The following ALG12 variants were observed in gnomAD, a reference collection of about 807,000 sequenced individuals.
ALG12 encodes dol-P-Man:Man(7)GlcNAc(2)-PP-Dol alpha-1,6-mannosyltransferase.
Under a neutral mutation model 46.0 loss-of-function variants are expected in ALG12, and 36 were observed. The observed-to-expected ratio is 0.78, with a 90% CI of 0.60 to 1.03. ALG12 has a LOEUF of 1.03. ALG12 is among the 50% of genes least tolerant of loss of function. The pLI is 0.00. For missense variants in ALG12, 599 were observed against 633.5 expected (o/e 0.95, Z 0.58); for synonymous variants, 326 against 291.6 (o/e 1.12, Z -1.20).
At chr22:49,872,704 A>T in the ALG12 span, among the ~76,000 whole-genome samples, 117 of 144,264 alleles carry the variant, frequency 8.1e-4, no homozygotes, top group African/African-American at 2.8e-3. Flanking sequence ...TAATTTTTAA[A>T]TTTTTTTTTT....
the ALG12 span, among the ~76,000 whole-genome samples, chr22:49,882,822 C>G: frequency 6.6e-6 from 1 of 152,234 alleles, no homozygotes; most frequent in Non-Finnish European, 1.5e-5. Flanking sequence ...CCACAGGACG[C>G]CTTTCCCTTC....
the ALG12 span, chr22:49,886,734 G>A: frequency 3.7e-6 from 6 of 1,613,064 alleles, no homozygotes; most frequent in Non-Finnish European, 8.5e-7. This position sits in a 1 kb window ranked among gnomAD's most constrained non-coding sequence, Gnocchi z 7.7. Flanking sequence ...AGGCGGAGCA[G>A]TACAAACAGG....
At chr22:49,916,724 G>C (rs892951900) in intron 1 of ALG12, among the ~76,000 whole-genome samples, 3 of 152,200 alleles carry the variant, frequency 2.0e-5, no homozygotes, top group African/African-American at 4.8e-5. Flanking sequence ...GCTGACATGG[G>C]GGGTACTGCT....
chr22:49,906,714 C>T lies in ALG12; in HGVS notation c.992+1007G>A, dbSNP rs897956718. On this transcript the variant is annotated intron_variant, in intron 7 of 9. Coordinates refer to ENST00000330817, the MANE Select transcript of ALG12 (RefSeq NM_024105.4). The surrounding 1 kb of genome is among the most constrained non-coding windows in gnomAD (Gnocchi z 4.4). ...AGCCCTGCCGCCCCTCAATGCCCAGCGTGGCCTGAGTTGGCCTCCTGTTCC... is the reference window on the plus strand; with the variant it reads ...AGCCCTGCCGCCCCTCAATGCCCAGTGTGGCCTGAGTTGGCCTCCTGTTCC... Among the ~76,000 whole-genome samples the T allele has an allele frequency of 2.0e-5, 3 of 152,182 alleles. No individual in the cohort carries two copies. Among genetic ancestry groups the T allele is most frequent in the Admixed American group, 6.5e-5 (1 of 15,282 alleles).
chr22:49,898,715 G>A (rs2060493072), downstream of ALG12, among the ~76,000 whole-genome samples: 1 of 152,078 alleles, frequency 6.6e-6, no homozygotes, highest in South Asian at 2.1e-4. Flanking sequence ...TGAGAAAAGT[G>A]CACAGGCAAT....
downstream of ALG12, among the ~76,000 whole-genome samples, chr22:49,895,864 C>A (rs909606833): frequency 1.9e-4 from 29 of 151,806 alleles, no homozygotes; most frequent in African/African-American, 6.8e-4. Flanking sequence ...CTAAAGGAGT[C>A]TTAATATTTG....
Position 49,906,335 on chromosome 22 carries a change from C to T in ALG12, c.992+1386G>A, listed in dbSNP as rs2060541782. Among the ~76,000 whole-genome samples the T allele has an allele frequency of 6.6e-6, 1 of 152,210 alleles. No individual in the cohort carries two copies. The highest frequency in any genetic ancestry group is 2.1e-4 in the South Asian group (1 of 4,828). On this transcript the variant is annotated intron_variant, in intron 7 of 9. Coordinates refer to ENST00000330817, the MANE Select transcript of ALG12 (RefSeq NM_024105.4). This position sits in a 1 kb window ranked among gnomAD's most constrained non-coding sequence, Gnocchi z 4.4. Reference sequence around the variant, plus strand: ...GGCTGGGGTCTGCTCCTCCTCCAGCCCTGAGCCGACCCCTGAGACGAGAGG... The same window carrying T: ...GGCTGGGGTCTGCTCCTCCTCCAGCTCTGAGCCGACCCCTGAGACGAGAGG...
the ALG12 span, chr22:49,885,090 G>A: frequency 2.5e-6 from 4 of 1,613,672 alleles, no homozygotes; most frequent in Non-Finnish European, 3.4e-6. Flanking sequence ...TCAAGGCCGA[G>A]TGTCGGTACT....
In ALG12 at chr22:49,905,707, C is replaced by T. The variant is rs1023530697; in HGVS notation, c.993-1201G>A. ...AGTACCACGCTTCCCGTACAGCCTGCGGAACCGCGAGCCAATGAAGCCTCC... is the reference window on the plus strand; with the variant it reads ...AGTACCACGCTTCCCGTACAGCCTGTGGAACCGCGAGCCAATGAAGCCTCC... On this transcript the variant is annotated intron_variant, in intron 7 of 9. Transcript: ENST00000330817. This position sits in a 1 kb window ranked among gnomAD's most constrained non-coding sequence, Gnocchi z 4.9. Among the ~76,000 whole-genome samples, 5 of 152,218 alleles carry T rather than the reference C, an allele frequency of 3.3e-5. No homozygotes were observed. The highest frequency in any genetic ancestry group is 2.1e-4 in the South Asian group (1 of 4,834).
chr22:49,872,867 T>G, the ALG12 span, among the ~76,000 whole-genome samples: 1 of 152,046 alleles, frequency 6.6e-6, no homozygotes, highest in Non-Finnish European at 1.5e-5. Flanking sequence ...CGGCTAATTT[T>G]TTTGTATTTT....
rs2060539350 is a variant in ALG12 at position 49,905,866 on chromosome 22, T to G, written c.993-1360A>C. 1.3e-5 allele frequency among the ~76,000 whole-genome samples: 2 copies of G among 152,188 alleles called. No individual in the cohort carries two copies. The highest frequency in any genetic ancestry group is 2.9e-5 in the Non-Finnish European group (2 of 68,006). On this transcript the variant is annotated intron_variant, in intron 7 of 9. Transcript: ENST00000330817. This position sits in a 1 kb window ranked among gnomAD's most constrained non-coding sequence, Gnocchi z 4.9. ...GGATGACCGCAGCCTCCTAAGTGCC[T>G]GCCCCAAAGAGCTCAGCACTGCCAG...
the ALG12 span, among the ~76,000 whole-genome samples, chr22:49,867,501 T>A: frequency 6.6e-6 from 1 of 152,254 alleles, no homozygotes; most frequent in African/African-American, 2.4e-5. Flanking sequence ...CAGCAGCTTC[T>A]CTTCATGGGA....
rs751711712 is a variant in ALG12 at position 49,904,410 on chromosome 22, C to T, written c.1089G>A (p.Leu363=). 3.1e-6 allele frequency: 5 copies of T among 1,614,164 alleles called. No individual in the cohort carries two copies. The highest frequency in any genetic ancestry group is 3.4e-6 in the Non-Finnish European group (4 of 1,180,032). Residue 363 remains leucine, a synonymous_variant, in exon 8 of 10, where the codon CTG becomes CTA. Transcript: ENST00000330817. ...VVNAAYSATA[L]YVSHFNYPGG... Reference sequence around the variant, plus strand: ...CTGGGTAGTTGAAATGGGACACATACAGGGCCGTGGCTGAGTAGGCGGCAT... The same window carrying T: ...CTGGGTAGTTGAAATGGGACACATATAGGGCCGTGGCTGAGTAGGCGGCAT...
At chr22:49,885,928 C>T in the ALG12 span, 6 of 846,536 alleles carry the variant, frequency 7.1e-6, no homozygotes, top group African/African-American at 1.0e-4. Flanking sequence ...CTTCGAGTCG[C>T]CAGCCCGGCC....
chr22:49,914,047 C>T (rs1263687539), intron 1 of ALG12, among the ~76,000 whole-genome samples: 1 of 152,240 alleles, frequency 6.6e-6, no homozygotes, highest in African/African-American at 2.4e-5. Context: ...TCTGACACTT[C>T]CAGCTCTGTG....
chr22:49,902,852 T>G lies in ALG12; in HGVS notation c.*986A>C, dbSNP rs2060521190. The G allele has an allele frequency of 8.5e-6, 1 of 117,494 alleles. No individual in the cohort carries two copies. The highest frequency in any genetic ancestry group is 1.5e-5 in the Non-Finnish European group (1 of 66,340). The allele number at this position is 117,494 out of a possible 1,614,324, so 7.3% of individuals were successfully genotyped here. On this transcript the variant is annotated 3_prime_UTR_variant, in exon 10 of 10. Transcript: ENST00000330817. ...ACTGTGTATGCATAGTGTGTGCACG[T>G]GTGCACTGTGTGTGGATGCATGGTA...
At chr22:49,870,619 T>G in the ALG12 span, among the ~76,000 whole-genome samples, 1 of 152,314 alleles carries the variant, frequency 6.6e-6, no homozygotes, top group East Asian at 1.9e-4. Context: ...CACTTTTATG[T>G]CTCCTTTCGA....
At chr22:49,890,091 T>C in the ALG12 span, 2 of 157,250 alleles carry the variant, frequency 1.3e-5, no homozygotes, top group Non-Finnish European at 2.9e-5. Context: ...CAGTGGCTTA[T>C]GTTTGTAATC....
the ALG12 span, among the ~76,000 whole-genome samples, chr22:49,863,832 G>T: frequency 6.6e-6 from 1 of 152,204 alleles, no homozygotes; most frequent in Non-Finnish European, 1.5e-5. Flanking sequence ...GAGGCGACCA[G>T]TTAGGGATTT....
Sources: gnomAD v4.1 joint callset for allele counts (sites outside exome capture counted in the v4.1 genomes callset) on GRCh38, gnomAD v4.1.1 for gene constraint, Gnocchi (gnomAD v3.1) non-coding constraint, MANE v1.5 for transcripts, NCBI Gene and HGNC (gene_info 2026-07-23, HGNC 2026-07-21) for gene names.